The following OPHN1 variants were observed in gnomAD, a reference collection of about 807,000 sequenced individuals.
OPHN1 encodes oligophrenin 1.
Under a neutral mutation model 60.7 loss-of-function variants are expected in OPHN1, and 11 were observed. That is an observed-to-expected ratio of 0.18 (90% CI 0.11 to 0.30). OPHN1 has a LOEUF of 0.30. OPHN1 is among the 10% of genes least tolerant of loss of function. The pLI, the probability that OPHN1 is intolerant of heterozygous loss-of-function variation, is 1.00. For synonymous variants in OPHN1, 226 were observed against 222.6 expected (o/e 1.02, Z -0.14); for missense variants, 449 against 611.0 (o/e 0.73, Z 2.80).
intron 15 of OPHN1, among the ~76,000 whole-genome samples, chrX:68,178,602 C>T (rs1231609298): frequency 9.0e-6 from 1 of 111,159 alleles, no homozygotes; most frequent in Non-Finnish European, 1.9e-5. Context: ...CAGAGCTTCA[C>T]CATGTTGATC....
rs1051909225 is a variant in OPHN1, at chrX:68,427,453, T to C, written c.154+5414A>G. Among the ~76,000 whole-genome samples, 11 of 110,796 alleles carry C rather than the reference T, an allele frequency of 9.9e-5. No homozygotes were observed. In the Admixed American group the frequency reaches 1.1e-3, roughly 11 times the overall value. On this transcript the variant is annotated intron_variant, in intron 2 of 24. Coordinates refer to ENST00000355520, the MANE Select transcript of OPHN1 (RefSeq NM_002547.3). The stretch of plus-strand genomic sequence containing the variant: ...ATGCCATGCAAAACATAGTAAGTCA[T>C]AGAATGTTAGAGCTCAAAGTGGGTT...
intron 6 of OPHN1, among the ~76,000 whole-genome samples, chrX:68,220,713 C>G (rs2077651048): frequency 1.1e-5 from 1 of 89,532 alleles, no homozygotes; most frequent in Admixed American, 1.4e-4. Flanking sequence ...CAGAAAAAGC[C>G]TTTGACAAAA....
intron 2 of OPHN1, among the ~76,000 whole-genome samples, chrX:68,375,148 C>CA (rs146709195): frequency 1.3e-3 from 146 of 109,447 alleles, no homozygotes; most frequent in African/African-American, 4.2e-3. Context: ...TGTTCACACA[C>CA]AAAAAAAAAC....
At chrX:68,201,198 C>T (rs145173031) in intron 11 of OPHN1, among the ~76,000 whole-genome samples, 31 of 111,875 alleles carry the variant, frequency 2.8e-4, no homozygotes, top group Non-Finnish European at 3.9e-4. Flanking sequence ...AATAACACCA[C>T]GACCCTCCAC....
chrX:68,073,968 G>A (rs1378656085), intron 19 of OPHN1, among the ~76,000 whole-genome samples: 2 of 112,596 alleles, frequency 1.8e-5, no homozygotes, highest in African/African-American at 6.5e-5. Context: ...TGCCTTGGAT[G>A]CTATAAGAAG....
At chrX:68,207,645 G>A (rs1002067846) in intron 9 of OPHN1, among the ~76,000 whole-genome samples, 1 of 109,755 alleles carries the variant, frequency 9.1e-6, no homozygotes, top group Admixed American at 9.9e-5. Flanking sequence ...ACCATCCACG[G>A]CTTTCCCACT....
intron 15 of OPHN1, among the ~76,000 whole-genome samples, chrX:68,175,948 G>C (rs1264915105): frequency 8.9e-6 from 1 of 111,886 alleles, no homozygotes; most frequent in Non-Finnish European, 1.9e-5. Context: ...TTTCAACAAA[G>C]ATACCAAGAC....
intron 15 of OPHN1, among the ~76,000 whole-genome samples, chrX:68,131,119 C>A (rs895803647): frequency 9.0e-6 from 1 of 111,277 alleles, no homozygotes; most frequent in African/African-American, 3.3e-5. Context: ...CAAAAGTCTA[C>A]CAGGCAAATG....
At chrX:68,299,779 A>G (rs1232111642) in intron 2 of OPHN1, among the ~76,000 whole-genome samples, 1 of 111,843 alleles carries the variant, frequency 8.9e-6, no homozygotes, top group Non-Finnish European at 1.9e-5. Flanking sequence ...TTTAGAATAT[A>G]TTTTAGTGTA....
At chrX:68,365,001 G>A (rs2078490954) in intron 2 of OPHN1, among the ~76,000 whole-genome samples, 2 of 111,864 alleles carry the variant, frequency 1.8e-5, no homozygotes, top group Non-Finnish European at 3.8e-5. Flanking sequence ...TACAGGGTGA[G>A]TGTGAAAGCC....
intron 15 of OPHN1, among the ~76,000 whole-genome samples, chrX:68,183,923 C>A (rs958070507): frequency 8.9e-6 from 1 of 112,118 alleles, no homozygotes; most frequent in Admixed American, 9.5e-5. Flanking sequence ...TGATAAGCAG[C>A]AATTTACAAG....
At chrX:68,287,283 G>A (rs1161837244) in intron 3 of OPHN1, among the ~76,000 whole-genome samples, 1 of 93,546 alleles carries the variant, frequency 1.1e-5, no homozygotes, top group African/African-American at 4.0e-5. Flanking sequence ...AGAAGGGAAG[G>A]GAAGGGGAAA....
intron 15 of OPHN1, among the ~76,000 whole-genome samples, chrX:68,146,528 T>C (rs1197606934): frequency 8.9e-6 from 1 of 112,425 alleles, no homozygotes; most frequent in East Asian, 2.8e-4. Flanking sequence ...AGTTAATTTG[T>C]ATACTCTGGG....
intron 2 of OPHN1, among the ~76,000 whole-genome samples, chrX:68,420,397 T>A (rs1055021128): frequency 3.6e-5 from 4 of 111,859 alleles, no homozygotes; most frequent in African/African-American, 1.3e-4. Context: ...CATCTATAAA[T>A]TGGAGGTAAT....
At position 68,409,434 on chromosome X, in the gene OPHN1, G is replaced by C. The variant is rs6625314; in HGVS notation, c.154+23433C>G. On this transcript the variant is annotated intron_variant, in intron 2 of 24. Transcript: ENST00000355520. ...CAAAAAACCCAGGCCCAACAATAAG[G>C]TGATTATCACTAGGCAGGGGATTAT... Among the ~76,000 whole-genome samples, 17 of 111,399 alleles carry C rather than the reference G, an allele frequency of 1.5e-4. No individual in the cohort carries two copies. The East Asian group carries it at 4.5e-3, about 30-fold the overall frequency.
At chrX:68,233,224 G>A (rs1458332162) in intron 6 of OPHN1, among the ~76,000 whole-genome samples, 2 of 111,524 alleles carry the variant, frequency 1.8e-5, no homozygotes, top group Non-Finnish European at 3.8e-5. Context: ...CACTGCACTC[G>A]GCCACACTGA....
At chrX:68,171,742 T>TA (rs60388555) in intron 15 of OPHN1, among the ~76,000 whole-genome samples, 22,572 of 95,826 alleles carry the variant, frequency 0.24, 2,285 homozygotes, top group African/African-American at 0.36. Flanking sequence ...ATCTCAAAAA[T>TA]AAAAAAAAAA....
At chrX:68,262,999 C>A (rs991138015) in intron 5 of OPHN1, among the ~76,000 whole-genome samples, 2 of 112,008 alleles carry the variant, frequency 1.8e-5, no homozygotes, top group Non-Finnish European at 3.8e-5. Flanking sequence ...AGGTGGTTTA[C>A]AAATATTTTT....
chrX:68,106,658 T>C (rs1358396281), intron 18 of OPHN1, among the ~76,000 whole-genome samples: 1 of 111,527 alleles, frequency 9.0e-6, no homozygotes, highest in Non-Finnish European at 1.9e-5. Flanking sequence ...CAAAAAGAAC[T>C]GGATAACTGA....
Sources: gnomAD v4.1 joint callset for allele counts (sites outside exome capture counted in the v4.1 genomes callset) on GRCh38, gnomAD v4.1.1 for gene constraint, MANE v1.5 for transcripts, NCBI Gene and HGNC (gene_info 2026-07-23, HGNC 2026-07-21) for gene names.